CPEB3: variants seen among roughly 807,000 people sequenced by gnomAD.
CPEB3 encodes cytoplasmic polyadenylation element-binding protein 3.
CPEB3 carries 20 observed loss-of-function variants against 67.2 expected under a neutral mutation model. The ratio of observed to expected loss-of-function variants is 0.30; its 90% CI spans 0.21 to 0.43. CPEB3 has a LOEUF of 0.43. Among genes scored for constraint, CPEB3 ranks in the 20% least tolerant of loss-of-function variants. The probability of loss-of-function intolerance (pLI) is 1.00; values close to 1 mark genes in which losing one functional copy is unlikely to be tolerated. For missense variants in CPEB3, 746 were observed against 968.6 expected (o/e 0.77, Z 3.05); for synonymous variants, 376 against 393.1 (o/e 0.96, Z 0.51).
At chr10:92,148,346 C>A (rs1305087054) in intron 4 of CPEB3, among the ~76,000 whole-genome samples, 1 of 152,160 alleles carries the variant, frequency 6.6e-6, no homozygotes. Flanking sequence ...CTACCTAAAA[C>A]AAACATACCC....
chr10:92,221,379 G>T (rs899816869), intron 2 of CPEB3, among the ~76,000 whole-genome samples: 4 of 152,124 alleles, frequency 2.6e-5, no homozygotes, highest in African/African-American at 9.7e-5. Flanking sequence ...TGTAATCCCA[G>T]CTACTCGGGA....
intron 4 of CPEB3, among the ~76,000 whole-genome samples, chr10:92,149,040 A>C (rs974777066): frequency 3.3e-5 from 5 of 151,890 alleles, no homozygotes; most frequent in African/African-American, 1.2e-4. Context: ...AGCTGGGATT[A>C]TAGGCATGTG....
intron 1 of CPEB3, among the ~76,000 whole-genome samples, chr10:92,257,163 C>T (rs1852551183): frequency 6.6e-6 from 1 of 152,190 alleles, no homozygotes; most frequent in African/African-American, 2.4e-5. Flanking sequence ...TACCTTTCTC[C>T]TGTTGGAGGA....
At chr10:92,277,043 T>G (rs1007593079) in intron 1 of CPEB3, among the ~76,000 whole-genome samples, 2 of 148,200 alleles carry the variant, frequency 1.3e-5, no homozygotes, top group Non-Finnish European at 2.9e-5. Flanking sequence ...GTTGAAGAGA[T>G]TTTTTTATAT....
chr10:92,186,645 G>A (rs1272818382), intron 3 of CPEB3, among the ~76,000 whole-genome samples: 1 of 152,080 alleles, frequency 6.6e-6, no homozygotes, highest in Non-Finnish European at 1.5e-5. Context: ...ATGTAGGCCA[G>A]GCTGGTCTTG....
intron 1 of CPEB3, chr10:92,243,319 T>C (rs1851927848): frequency 6.6e-6 from 1 of 152,186 alleles, no homozygotes. Context: ...CTGTGGGGGC[T>C]GAAGTCCTTC....
chr10:92,069,982 T>C (rs1051095574), intron 9 of CPEB3, among the ~76,000 whole-genome samples: 30 of 152,202 alleles, frequency 2.0e-4, no homozygotes, highest in African/African-American at 7.2e-4. Context: ...TTCCTTGCCC[T>C]GTCCGAAACC....
chr10:92,232,881 A>G (rs1020951307), intron 2 of CPEB3, among the ~76,000 whole-genome samples: 2 of 152,226 alleles, frequency 1.3e-5, no homozygotes, highest in Non-Finnish European at 2.9e-5. Flanking sequence ...GTACTAACTC[A>G]CGACAAGGTC....
At chr10:92,103,996 T>G (rs925864549) in intron 7 of CPEB3, among the ~76,000 whole-genome samples, 1 of 152,206 alleles carries the variant, frequency 6.6e-6, no homozygotes, top group Admixed American at 6.5e-5. Flanking sequence ...ATGAGCTTCA[T>G]GGAATACTAA....
chr10:92,238,040 T>C (rs775149954), intron 2 of CPEB3, among the ~76,000 whole-genome samples: 16 of 152,160 alleles, frequency 1.1e-4, no homozygotes, highest in Non-Finnish European at 1.6e-4. Context: ...ACATCTGTAA[T>C]GTAAAGAGAT....
At chr10:92,161,003 C>T (rs1847447362) in intron 4 of CPEB3, among the ~76,000 whole-genome samples, 3 of 152,134 alleles carry the variant, frequency 2.0e-5, no homozygotes, top group Admixed American at 1.3e-4. Context: ...GATTCTCCCA[C>T]CTCAGCCTCC....
intron 1 of CPEB3, among the ~76,000 whole-genome samples, chr10:92,276,577 C>A (rs746735888): frequency 6.6e-6 from 1 of 152,166 alleles, no homozygotes; most frequent in Non-Finnish European, 1.5e-5. Flanking sequence ...CCATGCCTGG[C>A]CCATACTGCT....
At chr10:92,140,636 T>G (rs1846359699) in intron 6 of CPEB3, among the ~76,000 whole-genome samples, 1 of 148,916 alleles carries the variant, frequency 6.7e-6, no homozygotes, top group African/African-American at 2.5e-5. Context: ...AAATGGGATC[T>G]AATTAAACTA....
At chr10:92,186,168 T>TA (rs1262772702) in intron 3 of CPEB3, among the ~76,000 whole-genome samples, 31 of 131,696 alleles carry the variant, frequency 2.4e-4, no homozygotes, top group Middle Eastern at 5.8e-3. Context: ...GCTCAGGAGT[T>TA]AGAGACCAGC....
chr10:92,290,537 G>A (rs973730066), intron 1 of CPEB3, among the ~76,000 whole-genome samples: 4 of 152,164 alleles, frequency 2.6e-5, no homozygotes, highest in African/African-American at 9.7e-5. Flanking sequence ...CATTTGAGAA[G>A]GTTCCTGGAG....
At position 92,239,703 on chromosome 10, in the gene CPEB3, C is replaced by A; in HGVS notation, c.648G>T (p.Met216Ile). The A allele has an allele frequency of 1.3e-6, 2 of 1,568,184 alleles. No individual in the cohort carries two copies. The highest frequency in any genetic ancestry group is 1.2e-5 in the South Asian group (1 of 85,186). Residue 216 changes from methionine (M) to isoleucine (I), a missense_variant, in exon 2 of 10, where the codon ATG becomes ATT. Transcript: ENST00000265997. The surrounding 1 kb of genome is among the most constrained non-coding windows in gnomAD (Gnocchi z 6.0). ...AAAAYGHQPI[M>I]TSKPSSSSAV... ...CCGAAGACGAGGACGGCTTGCTGGT[C>A]ATGATGGGCTGGTGGCCGTACGCCG... is the stretch of plus-strand genomic sequence containing the variant.
intron 3 of CPEB3, among the ~76,000 whole-genome samples, chr10:92,189,564 C>T (rs890950994): frequency 4.6e-5 from 7 of 152,132 alleles, no homozygotes; most frequent in African/African-American, 1.7e-4. Flanking sequence ...AGAATTCACA[C>T]CCAGGTTTCA....
At chr10:92,066,202 T>C (rs1267412133) in intron 9 of CPEB3, among the ~76,000 whole-genome samples, 2 of 152,062 alleles carry the variant, frequency 1.3e-5, no homozygotes, top group African/African-American at 2.4e-5. Flanking sequence ...TTAAAAAATA[T>C]ACTATGCAAT....
At chr10:92,115,024 GCTC>G (rs1415763711) in intron 6 of CPEB3, among the ~76,000 whole-genome samples, 8 of 152,250 alleles carry the variant, frequency 5.3e-5, no homozygotes, top group Admixed American at 6.5e-5. Flanking sequence ...CCGCCTGGCA[GCTC>G]CTCCTCTTCT....
Sources: gnomAD v4.1 joint callset for allele counts (sites outside exome capture counted in the v4.1 genomes callset) on GRCh38, gnomAD v4.1.1 for gene constraint, Gnocchi (gnomAD v3.1) non-coding constraint, MANE v1.5 for transcripts, NCBI Gene and HGNC (gene_info 2026-07-23, HGNC 2026-07-21) for gene names.